The following MYO18B variants were observed in gnomAD, a reference collection of about 807,000 sequenced individuals.
MYO18B encodes myosin XVIIIB, also known as unconventional myosin-XVIIIb.
MYO18B carries 204 observed loss-of-function variants against 273.0 expected under a neutral mutation model. That is an observed-to-expected ratio of 0.75 (90% CI 0.67 to 0.84). The LOEUF (loss-of-function observed/expected upper bound fraction) is 0.84, where lower values mean the gene tolerates loss of function less well. Among genes scored for constraint, MYO18B ranks in the 40% least tolerant of loss-of-function variants. The probability of loss-of-function intolerance (pLI) is 0.00; values close to 1 mark genes in which losing one functional copy is unlikely to be tolerated. For missense variants in MYO18B, 3,212 were observed against 3,287.6 expected (o/e 0.98, Z 0.56); for synonymous variants, 1,330 against 1,305.7 (o/e 1.02, Z -0.40).
At chr22:26,003,171 G>T in intron 40 of MYO18B, 94 bp from the exon 41 acceptor site, 1 of 1,125,310 alleles carries the variant, frequency 8.9e-7, no homozygotes, top group Non-Finnish European at 1.3e-6. Flanking sequence ...GTTGGAAGTG[G>T]GATTCACACT....
intron 39 of MYO18B, among the ~76,000 whole-genome samples, chr22:25,986,021 A>G (rs554709682): frequency 8.5e-5 from 13 of 152,344 alleles, no homozygotes; most frequent in African/African-American, 2.9e-4. Context: ...GAAGGAAGCA[A>G]TGGCAGTTCC....
Position 26,026,788 on chromosome 22 carries a change from C to G in MYO18B, c.6814C>G (p.Leu2272Val), listed in dbSNP as rs199922887. Residue 2272 changes from leucine (L) to valine (V), a missense_variant, in exon 43 of 44, where the codon CTA becomes GTA. Leu to Val is a conservative substitution (Grantham distance 32, BLOSUM62 1). Transcript: ENST00000335473. ...GAGAGGCCAGGGGTCCACGCTGGGC[C>G]TAGAGGACTGGCCCACTCTCCCCAT... is the stretch of plus-strand genomic sequence containing the variant. ...AQRGQGSTLG[L>V]EDWPTLPIYQ... 288 of 1,604,280 alleles carry G rather than the reference C, an allele frequency of 1.8e-4. 1 individual carries two copies. The highest frequency in any genetic ancestry group is 2.4e-4 in the Non-Finnish European group (278 of 1,175,646).
chr22:25,884,221 C>T (rs1044130687), intron 25 of MYO18B, among the ~76,000 whole-genome samples: 4 of 152,168 alleles, frequency 2.6e-5, no homozygotes, highest in African/African-American at 9.6e-5. Flanking sequence ...GGAGTTTGAT[C>T]ATGGGTCATG....
chr22:26,003,192 T>A, intron 40 of MYO18B, 73 bp from the exon 41 acceptor site: 1 of 1,360,968 alleles, frequency 7.3e-7, no homozygotes, highest in Non-Finnish European at 1.0e-6. Context: ...CATGTCTGTC[T>A]AACGTCAATA....
At chr22:25,836,649 A>C (rs3925154) in intron 17 of MYO18B, among the ~76,000 whole-genome samples, 103,107 of 152,012 alleles carry the variant, frequency 0.68, 36,541 homozygotes, top group South Asian at 0.78. Context: ...GATCCCTACA[A>C]CACTAGGCAC....
chr22:25,834,272 G>T (rs1320099292), intron 16 of MYO18B, among the ~76,000 whole-genome samples: 1 of 151,748 alleles, frequency 6.6e-6, no homozygotes, highest in African/African-American at 2.4e-5. Flanking sequence ...TCAGCCTCCT[G>T]AGTAGCTGGG....
intron 29 of MYO18B, among the ~76,000 whole-genome samples, chr22:25,902,110 T>C (rs1391788148): frequency 1.3e-5 from 2 of 152,174 alleles, no homozygotes; most frequent in Non-Finnish European, 2.9e-5. Context: ...AGTGTTGGGA[T>C]TACAGGCGTG....
chr22:25,862,788 C>T (rs879582004), intron 21 of MYO18B, among the ~76,000 whole-genome samples: 19 of 148,744 alleles, frequency 1.3e-4, no homozygotes, highest in Non-Finnish European at 2.4e-4. Flanking sequence ...GGGGTGGCTT[C>T]TTTGTGTTTA....
intron 22 of MYO18B, among the ~76,000 whole-genome samples, chr22:25,873,839 C>G (rs192952293): frequency 1.3e-5 from 2 of 152,200 alleles, no homozygotes; most frequent in Non-Finnish European, 2.9e-5. Context: ...CACAACCCAG[C>G]CTTTCCTGGG....
intron 2 of MYO18B, 172 bp from the exon 3 acceptor site, chr22:25,763,059 A>AC (rs753093485): frequency 1.3e-5 from 10 of 788,032 alleles, no homozygotes; most frequent in Admixed American, 1.7e-5. Context: ...TGTCTCAGGG[A>AC]CCCCCCTGAG....
intron 12 of MYO18B, among the ~76,000 whole-genome samples, chr22:25,815,618 A>G (rs1175827133): frequency 1.3e-5 from 2 of 152,152 alleles, no homozygotes; most frequent in African/African-American, 2.4e-5. Flanking sequence ...AGTTCTTTCC[A>G]CAATTCCCAC....
chr22:25,756,703 C>G (rs1187240638), intron 1 of MYO18B: 1 of 152,246 alleles, frequency 6.6e-6, no homozygotes, highest in Non-Finnish European at 1.5e-5. Flanking sequence ...CAGCCTTCAT[C>G]TTTTCATCTC....
intron 34 of MYO18B, among the ~76,000 whole-genome samples, chr22:25,937,347 G>A (rs2146535617): frequency 6.6e-6 from 1 of 152,084 alleles, no homozygotes; most frequent in Non-Finnish European, 1.5e-5. Flanking sequence ...GCCTCCCAAA[G>A]ATCTGGGATT....
chr22:25,805,734 A>G (rs750648181), intron 12 of MYO18B, among the ~76,000 whole-genome samples: 17 of 152,182 alleles, frequency 1.1e-4, no homozygotes, highest in Non-Finnish European at 2.5e-4. Flanking sequence ...GTTTGCACCC[A>G]TGATGCTGTG....
chr22:25,889,455 A>G (rs2091596454), intron 25 of MYO18B, among the ~76,000 whole-genome samples: 1 of 152,112 alleles, frequency 6.6e-6, no homozygotes. Context: ...ACCCAATTCA[A>G]TGCATTTTAC....
intron 22 of MYO18B, among the ~76,000 whole-genome samples, chr22:25,873,578 T>G (rs531802564): frequency 6.6e-6 from 1 of 152,204 alleles, no homozygotes; most frequent in Non-Finnish European, 1.5e-5. Flanking sequence ...GTAGCTGGGA[T>G]TACAGGCATT....
intron 23 of MYO18B, 53 bp from the exon 24 acceptor site, chr22:25,876,136 A>C: frequency 1.3e-6 from 2 of 1,562,138 alleles, no homozygotes; most frequent in Non-Finnish European, 1.7e-6. Flanking sequence ...TCCTTCCTTT[A>C]TCCTCACCTG....
chr22:25,843,388 T>A (rs148709180), intron 17 of MYO18B, among the ~76,000 whole-genome samples: 202 of 152,306 alleles, frequency 1.3e-3, no homozygotes, highest in African/African-American at 4.7e-3. Context: ...TTAAAATGAA[T>A]GTACTGTACT....
At chr22:25,847,778 T>C in intron 20 of MYO18B, 126 bp downstream of exon 20, 1 of 687,148 alleles carries the variant, frequency 1.5e-6, no homozygotes, top group Non-Finnish European at 2.5e-6. Flanking sequence ...TCCTGGTTAC[T>C]CTTCCCAGCA....
Sources: gnomAD v4.1 joint callset for allele counts (sites outside exome capture counted in the v4.1 genomes callset) on GRCh38, gnomAD v4.1.1 for gene constraint, MANE v1.5 for transcripts, NCBI Gene and HGNC (gene_info 2026-07-23, HGNC 2026-07-21) for gene names.